The following METTL15 variants were observed in gnomAD, a reference collection of about 807,000 sequenced individuals.
METTL15 encodes the protein 12S rRNA N(4)-cytidine methyltransferase METTL15.
METTL15 carries 34 observed loss-of-function variants against 38.3 expected under a neutral mutation model. The observed-to-expected ratio is 0.89, with a 90% CI of 0.68 to 1.18. METTL15 has a LOEUF of 1.18. Among genes scored for constraint, METTL15 ranks in the 50% most tolerant of loss-of-function variants. The pLI, the probability that METTL15 is intolerant of heterozygous loss-of-function variation, is 0.00. For missense variants in METTL15, 438 were observed against 498.4 expected, an observed-to-expected ratio of 0.88 and a Z score of 1.15; for synonymous variants, 162 against 170.9, an observed-to-expected ratio of 0.95 and a Z score of 0.41.
At chr11:28,136,378 C>T (rs943964060) in intron 3 of METTL15, among the ~76,000 whole-genome samples, 12 of 152,016 alleles carry the variant, frequency 7.9e-5, no homozygotes, top group African/African-American at 2.9e-4. Flanking sequence ...TGCTTGCTGC[C>T]ATGTAAGATG....
chr11:28,115,448 G>A (rs1038701246), intron 3 of METTL15, among the ~76,000 whole-genome samples: 1 of 151,888 alleles, frequency 6.6e-6, no homozygotes, highest in Non-Finnish European at 1.5e-5. Context: ...AGTAGAGATG[G>A]GGTTTCTCCA....
At chr11:28,354,814 G>C (rs532275746) in intron 4 of METTL15, among the ~76,000 whole-genome samples, 2 of 152,054 alleles carry the variant, frequency 1.3e-5, no homozygotes, top group South Asian at 2.1e-4. Context: ...TAATCCCTTC[G>C]TGTATGTTTT....
At chr11:28,473,208 T>A (rs1851316703) in intron 6 of METTL15, among the ~76,000 whole-genome samples, 1 of 152,156 alleles carries the variant, frequency 6.6e-6, no homozygotes, top group African/African-American at 2.4e-5. Context: ...TTTTATTCCA[T>A]TTAATATTTT....
chr11:28,222,867 G>T (rs1472579616), intron 4 of METTL15, among the ~76,000 whole-genome samples: 2 of 152,136 alleles, frequency 1.3e-5, no homozygotes, highest in Non-Finnish European at 2.9e-5. Context: ...TACTATATAG[G>T]ATAAGTTCTT....
At chr11:28,521,373 A>T (rs927535193) in intron 6 of METTL15, among the ~76,000 whole-genome samples, 1 of 152,230 alleles carries the variant, frequency 6.6e-6, no homozygotes, top group African/African-American at 2.4e-5. Flanking sequence ...GGGAAAAGAA[A>T]AGCCAAAAGA....
chr11:28,390,602 A>G (rs1850493568), intron 5 of METTL15, among the ~76,000 whole-genome samples: 1 of 152,184 alleles, frequency 6.6e-6, no homozygotes, highest in Non-Finnish European at 1.5e-5. Context: ...CTGTTTTGGT[A>G]CTAGTACCAG....
intron 6 of METTL15, among the ~76,000 whole-genome samples, chr11:28,440,256 T>C (rs1851022941): frequency 1.3e-5 from 2 of 152,200 alleles, no homozygotes; most frequent in South Asian, 4.1e-4. Context: ...GGTTAAGTAG[T>C]TGTACATCTA....
chr11:28,219,814 A>G (rs1853103388), intron 4 of METTL15, among the ~76,000 whole-genome samples: 1 of 152,016 alleles, frequency 6.6e-6, no homozygotes, highest in African/African-American at 2.4e-5. Context: ...TCATTTAGTT[A>G]TGTACCCAGT....
intron 6 of METTL15, among the ~76,000 whole-genome samples, chr11:28,306,780 T>G (rs561122430): frequency 1.5e-4 from 23 of 152,120 alleles, no homozygotes; most frequent in South Asian, 1.5e-3. Context: ...GATCAAAGAT[T>G]ATATTTTTGG....
intron 4 of METTL15, among the ~76,000 whole-genome samples, chr11:28,356,213 G>A (rs1482415771): frequency 3.3e-5 from 5 of 152,128 alleles, no homozygotes; most frequent in African/African-American, 1.2e-4. Flanking sequence ...TCCTAGCATT[G>A]TTTTACAATG....
chr11:28,252,934 G>A (rs1185118124), intron 4 of METTL15, among the ~76,000 whole-genome samples: 4 of 151,896 alleles, frequency 2.6e-5, no homozygotes, highest in Non-Finnish European at 5.9e-5. Context: ...GTTTTCTCTG[G>A]TCTTCTGTAA....
chr11:28,330,528 A>G lies in METTL15; in HGVS notation c.911A>G (p.Lys304Arg), dbSNP rs1230821270. Residue 304 changes from lysine to arginine, a missense_variant, in exon 7 of 7, where the codon AAG becomes AGG. By Grantham distance (26) the Lys-to-Arg change is conservative (BLOSUM62 2). Transcript: ENST00000407364. ...NELNELYTGL[K>R]TAQKFLRPGG... is the part of the protein sequence containing the mutation. ...CTCAATGAACTCTACACGGGACTGA[A>G]GACAGCTCAGAAGTTTCTGAGACCT... 6.4e-7 allele frequency: 1 copy of G among 1,551,658 alleles called. No homozygotes were observed.
chr11:28,313,660 G>A (rs1186363636), intron 6 of METTL15, among the ~76,000 whole-genome samples: 1 of 151,564 alleles, frequency 6.6e-6, no homozygotes, highest in Non-Finnish European at 1.5e-5. Flanking sequence ...GGAGTGATTG[G>A]ATGTATATAG....
chr11:28,123,559 G>A (rs925241391), intron 3 of METTL15, among the ~76,000 whole-genome samples: 2 of 125,128 alleles, frequency 1.6e-5, no homozygotes, highest in African/African-American at 7.6e-5. Context: ...TCCCCTTTGG[G>A]TGAAACAAAT....
chr11:28,283,043 G>C (rs1375240366), intron 4 of METTL15, among the ~76,000 whole-genome samples: 1 of 152,090 alleles, frequency 6.6e-6, no homozygotes, highest in African/African-American at 2.4e-5. Context: ...TATTATGGTA[G>C]TATTCATTAC....
intron 3 of METTL15, among the ~76,000 whole-genome samples, chr11:28,208,469 G>A (rs1003938472): frequency 9.9e-5 from 15 of 152,184 alleles, no homozygotes; most frequent in African/African-American, 3.6e-4. Flanking sequence ...ACTGTGGTCC[G>A]AGAGACAGTT....
intron 6 of METTL15, among the ~76,000 whole-genome samples, chr11:28,467,294 C>T (rs1456100900): frequency 2.0e-5 from 3 of 152,078 alleles, no homozygotes; most frequent in East Asian, 3.9e-4. Context: ...TTTGAGAAAA[C>T]GATTTTGGTG....
At chr11:28,505,942 A>G (rs1851624202) in intron 6 of METTL15, among the ~76,000 whole-genome samples, 1 of 152,212 alleles carries the variant, frequency 6.6e-6, no homozygotes, top group Non-Finnish European at 1.5e-5. Flanking sequence ...TCCCAGCTGT[A>G]AAGGCAAGGT....
intron 3 of METTL15, chr11:28,123,924 C>G: frequency 2.9e-6 from 4 of 1,358,810 alleles, no homozygotes; most frequent in Non-Finnish European, 3.9e-6. Context: ...CCACTTGAGG[C>G]GAGTATACAC....
Sources: allele counts gnomAD v4.1 joint callset (sites outside exome capture counted in the v4.1 genomes callset), GRCh38; gene constraint gnomAD v4.1.1; transcripts MANE v1.5; gene names NCBI Gene and HGNC (gene_info 2026-07-23, HGNC 2026-07-21).